Variants in PSAT1 observed in about 807,000 individuals in gnomAD.
PSAT1 encodes the protein phosphoserine aminotransferase 1.
A neutral mutation model predicts 40.3 loss-of-function variants in PSAT1; 41 were observed. The observed-to-expected ratio is 1.02, with a 90% CI of 0.79 to 1.32. The LOEUF (loss-of-function observed/expected upper bound fraction) is 1.32. Among genes scored for constraint, PSAT1 ranks in the 40% most tolerant of loss-of-function variants. PSAT1 has a pLI of 0.00. For missense variants in PSAT1, 406 were observed against 455.8 expected, an observed-to-expected ratio of 0.89 and a Z score of 0.99; for synonymous variants, 147 against 170.5, an observed-to-expected ratio of 0.86 and a Z score of 1.07.
intron 6 of PSAT1, among the ~76,000 whole-genome samples, chr9:78,315,464 C>T (rs1163201792): frequency 1.3e-5 from 2 of 152,248 alleles, no homozygotes; most frequent in African/African-American, 4.8e-5. Flanking sequence ...TACTTTCTCT[C>T]TTCTGTCTCT....
At chr9:78,302,401 C>G (rs1324951595) in intron 3 of PSAT1, among the ~76,000 whole-genome samples, 2 of 152,046 alleles carry the variant, frequency 1.3e-5, no homozygotes, top group Non-Finnish European at 2.9e-5. Flanking sequence ...CTCATACGAT[C>G]TGTCAGAGTC....
intron 2 of PSAT1, 45 bp from the exon 3 acceptor site, chr9:78,301,909 T>C (rs768105456): frequency 6.8e-7 from 1 of 1,465,892 alleles, no homozygotes; most frequent in Non-Finnish European, 9.6e-7. Flanking sequence ...TCATTTGGTT[T>C]TGAGCTGGAA....
rs1383307498 is a variant in PSAT1 at position 78,328,197 on chromosome 9, A to C, written c.1007+9A>C. On this transcript the variant is annotated intron_variant, in intron 8 of 8. Coordinates refer to ENST00000376588, the MANE Select transcript of PSAT1 (RefSeq NM_058179.4). ...TCCTTGAAAGGGCATAGGTGAGTAC[A>C]TCTGCAATGCACGAGCTTGGCAAAG... is the stretch of plus-strand genomic sequence containing the variant. The C allele has an allele frequency of 6.2e-7, 1 of 1,614,068 alleles. No homozygotes were observed. The highest frequency in any genetic ancestry group is 2.2e-5 in the East Asian group (1 of 44,866).
intron 3 of PSAT1, among the ~76,000 whole-genome samples, chr9:78,302,650 C>A (rs1002483815): frequency 6.7e-6 from 1 of 149,146 alleles, no homozygotes; most frequent in Middle Eastern, 3.3e-3. Flanking sequence ...AGGAGAATCG[C>A]TTGAACCAGG....
chr9:78,311,506 T>C (rs955636460), intron 6 of PSAT1, among the ~76,000 whole-genome samples: 18 of 152,050 alleles, frequency 1.2e-4, no homozygotes, highest in Non-Finnish European at 1.8e-4. Context: ...TGGTACCTTC[T>C]TCAAGGGTTA....
intron 3 of PSAT1, among the ~76,000 whole-genome samples, chr9:78,304,079 T>G (rs7849813): frequency 0.84 from 127,578 of 152,158 alleles, 53,631 homozygotes; most frequent in African/African-American, 0.88. Flanking sequence ...TCATAGCATG[T>G]TGCATAACAC....
chr9:78,311,240 G>A (rs1180030977), intron 6 of PSAT1, among the ~76,000 whole-genome samples: 1 of 152,092 alleles, frequency 6.6e-6, no homozygotes, highest in Non-Finnish European at 1.5e-5. Flanking sequence ...TGGCCTCCGG[G>A]GGAAGGGGCC....
chr9:78,301,894 T>C (rs1828112301), intron 2 of PSAT1, 60 bp from the exon 3 acceptor site: 2 of 1,323,784 alleles, frequency 1.5e-6, no homozygotes, highest in Admixed American at 1.7e-5. Flanking sequence ...CGTAGGTATT[T>C]CTGTTCATTT....
At chr9:78,317,943 C>T in intron 7 of PSAT1, 139 bp downstream of exon 7, 1 of 1,099,496 alleles carries the variant, frequency 9.1e-7, no homozygotes, top group East Asian at 2.5e-5. Context: ...GTCCTGGGCC[C>T]CATGAGCAGG....
intron 6 of PSAT1, among the ~76,000 whole-genome samples, chr9:78,312,035 C>T (rs1247844598): frequency 1.4e-5 from 2 of 145,042 alleles, no homozygotes; most frequent in African/African-American, 5.2e-5. Context: ...AAAGGCCTCA[C>T]TTTTGAAAAG....
At position 78,306,371 on chromosome 9, in the gene PSAT1, G is replaced by T; in HGVS notation, c.455G>T (p.Cys152Phe). The change falls in exon 5 of 9, where the codon TGC becomes TTC. Residue 152 changes from cysteine (C) to phenylalanine (F), a missense_variant. By Grantham distance (205) the Cys-to-Phe change is radical. Coordinates refer to ENST00000376588, the MANE Select transcript of PSAT1 (RefSeq NM_058179.4). Reference sequence around the variant, plus strand: ...CCAGATGCCTCCTACGTGTATTATTGCGCAAATGAGACGGTGCATGGTGTG... The same window carrying T: ...CCAGATGCCTCCTACGTGTATTATTTCGCAAATGAGACGGTGCATGGTGTG... ...LNPDASYVYY[C>F]ANETVHGVEF... 1 of 1,613,408 alleles carries T rather than the reference G, an allele frequency of 6.2e-7. No homozygotes were observed. The highest frequency in any genetic ancestry group is 8.5e-7 in the Non-Finnish European group (1 of 1,180,008).
chr9:78,302,203 C>T (rs920409853), intron 3 of PSAT1, among the ~76,000 whole-genome samples, 180 bp downstream of exon 3: 2 of 152,218 alleles, frequency 1.3e-5, no homozygotes, highest in Middle Eastern at 3.4e-3. Context: ...TTCCCCATCC[C>T]GTGTTTATAT....
rs1564017768 is a variant in PSAT1 at position 78,317,799 on chromosome 9, C to T, written c.864C>T (p.Phe288=). 1.9e-6 allele frequency: 3 copies of T among 1,612,494 alleles called. No individual in the cohort carries two copies. The highest frequency in any genetic ancestry group is 2.5e-6 in the Non-Finnish European group (3 of 1,179,722). The part of the protein sequence containing the change: ...IYEIIDNSQG[F]YVCPVEPQNR... ...AGATTATTGATAATTCTCAAGGATT[C>T]TACGTGTAAGTCAATGGATTTTATC... Residue 288 remains phenylalanine, a synonymous_variant, in exon 7 of 9, where the codon TTC becomes TTT. Transcript: ENST00000376588.
At chr9:78,313,045 G>A (rs563586493) in intron 6 of PSAT1, among the ~76,000 whole-genome samples, 128 of 152,230 alleles carry the variant, frequency 8.4e-4, no homozygotes, top group Non-Finnish European at 1.6e-3. Context: ...GGACTATTTT[G>A]TATTGCTTTA....
chr9:78,297,318 C>T (rs1374207125), intron 1 of PSAT1, 48 bp downstream of exon 1: 2 of 1,560,096 alleles, frequency 1.3e-6, no homozygotes, highest in South Asian at 2.3e-5. Flanking sequence ...GGCGGGAGCA[C>T]GCACGCGGGT....
At position 78,300,640 on chromosome 9, in the gene PSAT1, A is replaced by G; in HGVS notation, c.99A>G (p.Lys33=). ...TACAAAAGGAATTATTAGACTACAA[A>G]GGAGTTGGCATTAGTGTTCTTGGTA... The part of the protein sequence containing the change: ...LEIQKELLDY[K]GVGISVLEMS... The change falls in exon 2 of 9, where the codon AAA becomes AAG. Residue 33 remains lysine (K), a synonymous_variant. Transcript: ENST00000376588. The G allele has an allele frequency of 6.2e-7, 1 of 1,609,074 alleles. No individual in the cohort carries two copies. The highest frequency in any genetic ancestry group is 8.5e-7 in the Non-Finnish European group (1 of 1,178,486).
rs534118383 is a variant in PSAT1, at chr9:78,329,410, G to A, written c.*324G>A. 2.0e-4 allele frequency: 72 copies of A among 365,324 alleles called. No individual in the cohort carries two copies. The highest frequency in any genetic ancestry group is 1.5e-3 in the South Asian group (67 of 44,502). The allele number at this position is 365,324 out of a possible 1,614,324, so 22.6% of individuals were successfully genotyped here. On this transcript the variant is annotated 3_prime_UTR_variant, in exon 9 of 9. Transcript: ENST00000376588. ...CTGTGGACTTAATAATGCAAGTTGCGATTAATTATTTCTGGAGTCATGGGA... is the reference window on the plus strand; with the variant it reads ...CTGTGGACTTAATAATGCAAGTTGCAATTAATTATTTCTGGAGTCATGGGA...
chr9:78,306,499 A>G lies in PSAT1; in HGVS notation c.570+13A>G, dbSNP rs962259327. ...GGATGTTTCCAAGGTAGAGTATAAA[A>G]GGCAGGGTGAGGGGAACCCACTGAC... On this transcript the variant is annotated intron_variant, in intron 5 of 8. Coordinates refer to ENST00000376588, the MANE Select transcript of PSAT1 (RefSeq NM_058179.4). 2 of 1,614,078 alleles carry G rather than the reference A, an allele frequency of 1.2e-6. No homozygotes were observed. The highest frequency in any genetic ancestry group is 2.7e-5 in the African/African-American group (2 of 74,932).
chr9:78,326,199 G>C (rs1226886041), intron 7 of PSAT1, among the ~76,000 whole-genome samples: 2 of 152,102 alleles, frequency 1.3e-5, no homozygotes, highest in African/African-American at 4.8e-5. Context: ...TGTGCCCTCA[G>C]GGGGCCTCTC....
Sources: allele counts gnomAD v4.1 joint callset (sites outside exome capture counted in the v4.1 genomes callset), GRCh38; gene constraint gnomAD v4.1.1; transcripts MANE v1.5; gene names NCBI Gene and HGNC (gene_info 2026-07-23, HGNC 2026-07-21).